The following ST8SIA2 variants were observed in gnomAD, a reference collection of about 807,000 sequenced individuals.
ST8SIA2 encodes alpha-2,8-sialyltransferase 8B.
ST8SIA2 carries 22 observed loss-of-function variants against 37.6 expected under a neutral mutation model. The observed-to-expected ratio is 0.58, with a 90% CI of 0.42 to 0.83. The LOEUF is 0.83. Ranked by LOEUF, ST8SIA2 falls within the 40% of genes least tolerant of loss-of-function variation. The pLI is 0.00. For synonymous variants in ST8SIA2, 205 were observed against 201.2 expected, an observed-to-expected ratio of 1.02 and a Z score of -0.16; for missense variants, 382 against 484.7, an observed-to-expected ratio of 0.79 and a Z score of 1.99.
intron 1 of ST8SIA2, among the ~76,000 whole-genome samples, chr15:92,414,656 C>A (rs1209120142): frequency 1.3e-5 from 2 of 152,216 alleles, no homozygotes; most frequent in Non-Finnish European, 1.5e-5. Context: ...AGGGCCCAGG[C>A]AGCATTAACT....
intron 1 of ST8SIA2, among the ~76,000 whole-genome samples, chr15:92,400,521 G>A (rs746375365): frequency 2.0e-5 from 3 of 152,204 alleles, no homozygotes; most frequent in Non-Finnish European, 4.4e-5. Context: ...GTGCATCCCA[G>A]TGAAGAGCAC....
At chr15:92,461,272 C>T (rs192269313) in intron 5 of ST8SIA2, among the ~76,000 whole-genome samples, 40 of 152,242 alleles carry the variant, frequency 2.6e-4, no homozygotes, top group Admixed American at 2.2e-3. Flanking sequence ...GGTACCACCC[C>T]GCCCCAGCCC....
rs138598921 is a variant in ST8SIA2, at chr15:92,434,370, G to A, written c.285G>A (p.Arg95=). The part of the protein sequence containing the change: ...KWRHNQTLSL[R]IRKQILKFLD... ...GACATAACCAGACGCTCTCTCTGAG[G>A]ATCAGGTACTGGTAATTACCTACAG... The change falls in exon 3 of 6, where the codon AGG becomes AGA. Residue 95 remains arginine, a synonymous_variant. Transcript: ENST00000268164. The A allele has an allele frequency of 1.9e-6, 3 of 1,614,056 alleles. No individual in the cohort carries two copies. The highest frequency in any genetic ancestry group is 1.3e-5 in the African/African-American group (1 of 74,928).
intron 3 of ST8SIA2, among the ~76,000 whole-genome samples, chr15:92,436,614 C>T (rs1347321943): frequency 1.3e-5 from 2 of 152,104 alleles, no homozygotes; most frequent in African/African-American, 2.4e-5. Context: ...TTTTTAAATG[C>T]TTTGGGGTAA....
intron 1 of ST8SIA2, among the ~76,000 whole-genome samples, chr15:92,414,920 C>T (rs538604810): frequency 1.3e-5 from 2 of 152,364 alleles, no homozygotes; most frequent in East Asian, 1.9e-4. Flanking sequence ...GGGCTTTCCC[C>T]TAGCCAATCA....
intron 5 of ST8SIA2, among the ~76,000 whole-genome samples, chr15:92,458,056 T>C (rs958681052): frequency 5.3e-5 from 8 of 152,184 alleles, no homozygotes; most frequent in Non-Finnish European, 1.0e-4. Context: ...GAGTCAAATG[T>C]TTGCTGAGTG....
Position 92,441,837 on chromosome 15 carries a change from G to A in ST8SIA2, c.549-2799G>A, listed in dbSNP as rs192277190. On this transcript the variant is annotated intron_variant, in intron 4 of 5. Coordinates refer to ENST00000268164, the MANE Select transcript of ST8SIA2 (RefSeq NM_006011.4). Reference sequence around the variant, plus strand: ...TTTGCAGTGAGGAAATTGAGGCAGAGAGAGGCAAATGCCACACAGCTAGTG... The same window carrying A: ...TTTGCAGTGAGGAAATTGAGGCAGAAAGAGGCAAATGCCACACAGCTAGTG... 3.3e-5 allele frequency among the ~76,000 whole-genome samples: 5 copies of A among 152,314 alleles called. No homozygotes were observed. The East Asian group carries it at 9.7e-4, about 29-fold the overall frequency.
At chr15:92,438,651 G>T (rs370621244) in intron 4 of ST8SIA2, 41 bp downstream of exon 4, 1 of 1,550,826 alleles carries the variant, frequency 6.4e-7, no homozygotes, top group Non-Finnish European at 8.7e-7. Context: ...AGAGCGGCGG[G>T]CAGGCTGTGT....
intron 3 of ST8SIA2, among the ~76,000 whole-genome samples, chr15:92,434,709 G>A (rs900022971): frequency 6.6e-6 from 1 of 152,242 alleles, no homozygotes; most frequent in African/African-American, 2.4e-5. Context: ...GGCATAAAGA[G>A]TCCTTACTTG....
chr15:92,437,691 C>T (rs994372646), intron 3 of ST8SIA2, among the ~76,000 whole-genome samples: 1 of 152,074 alleles, frequency 6.6e-6, no homozygotes, highest in Non-Finnish European at 1.5e-5. Context: ...CAGTATCCAT[C>T]CCCCCAGAAA....
In ST8SIA2 at chr15:92,394,124, C is replaced by T; in HGVS notation, c.60C>T (p.Leu20=). The change falls in exon 1 of 6, where the codon CTC becomes CTT. Residue 20 remains leucine, a synonymous_variant. Transcript: ENST00000268164. ...CGCTCACGCTGCTCGTGGTCTTCCT[C>T]ATCTTCGCAGACATCTCAGAGATCG... is the stretch of plus-strand genomic sequence containing the variant. ...LAALTLLVVF[L]IFADISEIEE... 1 of 1,560,800 alleles carries T rather than the reference C, an allele frequency of 6.4e-7. No individual in the cohort carries two copies.
chr15:92,396,554 C>T (rs1306138469), intron 1 of ST8SIA2, among the ~76,000 whole-genome samples: 1 of 151,352 alleles, frequency 6.6e-6, no homozygotes, highest in Non-Finnish European at 1.5e-5. Flanking sequence ...AGTGCAGTGG[C>T]ACAATCTCGG....
Position 92,459,316 on chromosome 15 carries a change from C to A in ST8SIA2, c.843-4784C>A, listed in dbSNP as rs557283244. Among the ~76,000 whole-genome samples, 68 of 152,222 alleles carry A rather than the reference C, an allele frequency of 4.5e-4. 1 individual carries two copies. The highest frequency in any genetic ancestry group is 1.6e-3 in the African/African-American group (65 of 41,524). ...GGGACACCGTGGTGGCTCGACGATC[C>A]CTGGGTAACGTCAGCCCACAGCTGC... On this transcript the variant is annotated intron_variant, in intron 5 of 5. Transcript: ENST00000268164.
At chr15:92,414,876 T>C (rs1271346457) in intron 1 of ST8SIA2, among the ~76,000 whole-genome samples, 1 of 152,226 alleles carries the variant, frequency 6.6e-6, no homozygotes, top group Non-Finnish European at 1.5e-5. Flanking sequence ...TCAACATGGC[T>C]GGAGTTAATT....
At chr15:92,450,819 C>T (rs2049876309) in intron 5 of ST8SIA2, among the ~76,000 whole-genome samples, 1 of 152,176 alleles carries the variant, frequency 6.6e-6, no homozygotes, top group African/African-American at 2.4e-5. Context: ...CACTTCATAC[C>T]CTCTAGCATG....
chr15:92,448,989 A>G (rs2049862758), intron 5 of ST8SIA2, among the ~76,000 whole-genome samples: 1 of 152,020 alleles, frequency 6.6e-6, no homozygotes, highest in African/African-American at 2.4e-5. Context: ...CATAACATAA[A>G]ATTTATGATT....
chr15:92,415,791 T>C (rs868255049), intron 1 of ST8SIA2, among the ~76,000 whole-genome samples: 2 of 152,106 alleles, frequency 1.3e-5, no homozygotes, highest in Non-Finnish European at 2.9e-5. Context: ...GCTGGCAGTG[T>C]ATAAACTCTG....
rs2049704120 is a variant in ST8SIA2 at position 92,430,070 on chromosome 15, A to T, written c.120A>T (p.Thr40=). ...GCAGGAATTCGGGAGGCAGAGGTAC[A>T]ATCAGATCAGCTGTGAACAGCTTAC... is the stretch of plus-strand genomic sequence containing the variant. ...EEIGNSGGRG[T]IRSAVNSLHS... is the part of the protein sequence containing the mutation. Residue 40 remains threonine (T), a synonymous_variant, in exon 2 of 6, where the codon ACA becomes ACT. Transcript: ENST00000268164. 2 of 1,614,080 alleles carry T rather than the reference A, an allele frequency of 1.2e-6. No homozygotes were observed. Among genetic ancestry groups the T allele is most frequent in the Non-Finnish European group, 1.7e-6 (2 of 1,180,038 alleles).
Position 92,450,551 on chromosome 15 carries a change from A to C in ST8SIA2, c.842+5622A>C, listed in dbSNP as rs2049874423. ...GAAGCTTCCAGTTCTGACAGAAGGC[A>C]AAGGGAGAGTGAGGCGTCTCACATG... On this transcript the variant is annotated intron_variant, in intron 5 of 5. Transcript: ENST00000268164. Among the ~76,000 whole-genome samples the C allele has an allele frequency of 2.6e-5, 4 of 152,206 alleles. No homozygotes were observed. The South Asian group carries it at 8.3e-4, about 32-fold the overall frequency.
Sources: allele counts gnomAD v4.1 joint callset (sites outside exome capture counted in the v4.1 genomes callset), GRCh38; gene constraint gnomAD v4.1.1; transcripts MANE v1.5; gene names NCBI Gene and HGNC (gene_info 2026-07-23, HGNC 2026-07-21).